Variants in CYRIA observed in about 807,000 individuals in gnomAD.
CYRIA encodes the protein CYFIP-related Rac1 interactor A.
In CYRIA, 15 loss-of-function variants were observed where a neutral mutation model predicts 43.9. That is an observed-to-expected ratio of 0.34 (90% CI 0.23 to 0.53). The LOEUF is 0.53. CYRIA is among the 20% of genes least tolerant of loss of function. CYRIA has a pLI of 0.94. For synonymous variants in CYRIA, 117 were observed against 136.0 expected, an observed-to-expected ratio of 0.86 and a Z score of 0.97; for missense variants, 236 against 394.2, an observed-to-expected ratio of 0.60 and a Z score of 3.40.
At chr2:16,621,546 A>G (rs562536617) in intron 2 of CYRIA, among the ~76,000 whole-genome samples, 5 of 152,288 alleles carry the variant, frequency 3.3e-5, no homozygotes, top group African/African-American at 9.6e-5. Context: ...AGCCAGCCAG[A>G]ACATAAACAC....
At chr2:16,577,984 C>T (rs981447512) in intron 3 of CYRIA, among the ~76,000 whole-genome samples, 1 of 152,158 alleles carries the variant, frequency 6.6e-6, no homozygotes, top group Non-Finnish European at 1.5e-5. Context: ...GAAGAGAAAG[C>T]CACCAGCCAC....
Position 16,660,438 on chromosome 2 carries a change from A to G in CYRIA, c.-167+5342T>C, listed in dbSNP as rs1572210815. ...GGGAAATTGACTCTATTGAAGTAAG[A>G]GTCAAAACAATACTTCCCTCTTCCC... On this transcript the variant is annotated intron_variant, in intron 1 of 11. Transcript: ENST00000381323. 2.0e-5 allele frequency among the ~76,000 whole-genome samples: 3 copies of G among 152,074 alleles called. No individual in the cohort carries two copies. The South Asian group carries it at 6.2e-4, about 32-fold the overall frequency.
chr2:16,553,180 G>GT (rs1305579872), intron 11 of CYRIA, among the ~76,000 whole-genome samples, 181 bp from the exon 12 acceptor site: 1 of 152,070 alleles, frequency 6.6e-6, no homozygotes, highest in African/African-American at 2.4e-5. Context: ...AAGGAATTTT[G>GT]TATTATGGTT....
rs57235858 is a variant in CYRIA, at chr2:16,601,711, CAAAA to C, written c.-10-13586_-10-13583del. On this transcript the variant is annotated intron_variant, in intron 2 of 11. Coordinates refer to ENST00000381323, the MANE Select transcript of CYRIA (RefSeq NM_030797.4). The stretch of plus-strand genomic sequence containing the variant: ...AATTCTCTAGTCACATTTCCAGTTT[CAAAA>C]AAAAAAAAAAAGAGAGAATTCATAT... 4.1e-3 allele frequency among the ~76,000 whole-genome samples: 501 copies of C among 123,688 alleles called. 3 individuals are homozygous for C. Among genetic ancestry groups the C allele is most frequent in the African/African-American group, 0.013 (466 of 35,118 alleles). 81.1% of individuals were successfully genotyped at this position (123,688 alleles called of 152,430 possible). A position where few individuals can be genotyped will look rare whatever the true frequency, so the allele number is the denominator to read the frequency against.
At chr2:16,644,224 C>T (rs1270082211) in intron 1 of CYRIA, among the ~76,000 whole-genome samples, 1 of 152,218 alleles carries the variant, frequency 6.6e-6, no homozygotes, top group Non-Finnish European at 1.5e-5. Flanking sequence ...ATGTAACAGA[C>T]ATTTTAAAAT....
intron 2 of CYRIA, among the ~76,000 whole-genome samples, chr2:16,613,644 G>A (rs1668681188): frequency 6.6e-6 from 1 of 151,810 alleles, no homozygotes; most frequent in Admixed American, 6.6e-5. Flanking sequence ...ATCCACTAAG[G>A]GGCATTATCA....
At chr2:16,605,991 A>G (rs1668383892) in intron 2 of CYRIA, among the ~76,000 whole-genome samples, 1 of 152,000 alleles carries the variant, frequency 6.6e-6, no homozygotes, top group East Asian at 1.9e-4. Flanking sequence ...CTTGGTCTCC[A>G]TGTTCTTTCT....
At chr2:16,621,270 T>C (rs1668984767) in intron 2 of CYRIA, among the ~76,000 whole-genome samples, 1 of 152,186 alleles carries the variant, frequency 6.6e-6, no homozygotes, top group African/African-American at 2.4e-5. Context: ...TGTGGGAGGT[T>C]CCAGTGGAAA....
chr2:16,602,534 A>G (rs932669366), intron 2 of CYRIA, among the ~76,000 whole-genome samples: 1 of 152,190 alleles, frequency 6.6e-6, no homozygotes, highest in Non-Finnish European at 1.5e-5. Flanking sequence ...TTTTACGGGT[A>G]TAAGAACTCC....
At chr2:16,656,154 T>G (rs1442457075) in intron 1 of CYRIA, among the ~76,000 whole-genome samples, 3 of 152,096 alleles carry the variant, frequency 2.0e-5, no homozygotes, top group Admixed American at 6.6e-5. Context: ...CCAATGCACA[T>G]GTACACGCTT....
chr2:16,586,381 ATG>A (rs1399948669), intron 3 of CYRIA, among the ~76,000 whole-genome samples: 1 of 151,998 alleles, frequency 6.6e-6, no homozygotes, highest in Non-Finnish European at 1.5e-5. Flanking sequence ...AACAACATAT[ATG>A]TGTGTGTGTG....
intron 11 of CYRIA, among the ~76,000 whole-genome samples, chr2:16,554,797 G>T (rs1318186764): frequency 1.3e-5 from 2 of 152,158 alleles, no homozygotes. Context: ...TCCATGACCC[G>T]TGGGGTCACC....
intron 2 of CYRIA, among the ~76,000 whole-genome samples, chr2:16,612,811 C>T (rs1027094640): frequency 2.0e-5 from 3 of 152,200 alleles, no homozygotes; most frequent in Non-Finnish European, 4.4e-5. Context: ...ACTCTGTCCC[C>T]ACCCAAAATC....
intron 5 of CYRIA, 73 bp from the exon 6 acceptor site, chr2:16,562,214 C>G: frequency 6.7e-7 from 1 of 1,493,778 alleles, no homozygotes; most frequent in Non-Finnish European, 9.1e-7. Context: ...CAATTCCCAG[C>G]CTCAGTTGAC....
chr2:16,591,975 A>T (rs1358945262), intron 2 of CYRIA, among the ~76,000 whole-genome samples: 1 of 152,114 alleles, frequency 6.6e-6, no homozygotes, highest in Non-Finnish European at 1.5e-5. Context: ...GTAGGACATA[A>T]TGTAGCTACA....
chr2:16,607,650 A>G (rs983654080), intron 2 of CYRIA, among the ~76,000 whole-genome samples: 2 of 151,842 alleles, frequency 1.3e-5, no homozygotes, highest in Admixed American at 1.3e-4. Flanking sequence ...GTGCAATGGC[A>G]CTATCTTGGC....
chr2:16,600,012 TC>T (rs1297544833), intron 2 of CYRIA, among the ~76,000 whole-genome samples: 7 of 152,320 alleles, frequency 4.6e-5, no homozygotes, highest in Admixed American at 2.6e-4. Flanking sequence ...CGCCTCGGTC[TC>T]CCAAAGTGCT....
At chr2:16,660,546 G>A (rs1670224941) in intron 1 of CYRIA, among the ~76,000 whole-genome samples, 1 of 152,208 alleles carries the variant, frequency 6.6e-6, no homozygotes, top group Non-Finnish European at 1.5e-5. Flanking sequence ...TGGAGGGAGA[G>A]CTACTTGAGG....
chr2:16,570,887 T>G (rs527569878), intron 3 of CYRIA, among the ~76,000 whole-genome samples: 39 of 152,196 alleles, frequency 2.6e-4, no homozygotes, highest in Non-Finnish European at 5.0e-4. Context: ...CTTCTAACCA[T>G]TGCCAATTAT....
Sources: allele counts gnomAD v4.1 joint callset (sites outside exome capture counted in the v4.1 genomes callset), GRCh38; gene constraint gnomAD v4.1.1; transcripts MANE v1.5; gene names NCBI Gene and HGNC (gene_info 2026-07-23, HGNC 2026-07-21).